The following TRIQK variants were observed in gnomAD, a reference collection of about 807,000 sequenced individuals.
TRIQK encodes triple QxxK/R motif-containing protein.
Under a neutral mutation model 10.8 loss-of-function variants are expected in TRIQK, and 10 were observed. That is an observed-to-expected ratio of 0.92 (90% CI 0.57 to 1.57). The LOEUF (loss-of-function observed/expected upper bound fraction) is 1.57. Ranked by LOEUF, TRIQK falls within the 40% of genes most tolerant of loss-of-function variation. The pLI is 0.00. For synonymous variants in TRIQK, 33 were observed against 33.7 expected (o/e 0.98, Z 0.07); for missense variants, 107 against 97.7 (o/e 1.09, Z -0.40).
rs1026322458 is a variant in TRIQK, at chr8:92,883,941, T to G, written c.*2681A>C. 1 of 151,786 alleles carries G rather than the reference T, an allele frequency of 6.6e-6. No homozygotes were observed. Among genetic ancestry groups the G allele is most frequent in the Admixed American group, 6.6e-5 (1 of 15,168 alleles). The allele number at this position is 151,786 out of a possible 1,614,324, so 9.4% of individuals were successfully genotyped here. On this transcript the variant is annotated 3_prime_UTR_variant, in exon 5 of 5. Coordinates refer to ENST00000521988, the MANE Select transcript of TRIQK (RefSeq NM_001171797.2). ...AAATTTATACATTCTTTACCCTGTC[T>G]AAACTTGCATGCAAAATAAGAACCA...
At chr8:92,938,449 A>G (rs1054951909) in intron 2 of TRIQK, among the ~76,000 whole-genome samples, 2 of 152,018 alleles carry the variant, frequency 1.3e-5, no homozygotes, top group African/African-American at 4.8e-5. Flanking sequence ...GTTTTCACCA[A>G]TTTAATTTTG....
At chr8:92,906,078 T>C (rs1809242741) in intron 3 of TRIQK, among the ~76,000 whole-genome samples, 1 of 152,148 alleles carries the variant, frequency 6.6e-6, no homozygotes, top group Non-Finnish European at 1.5e-5. Flanking sequence ...ATAGCTATCA[T>C]TGAAGATGAA....
At chr8:92,950,324 C>T (rs954706215) in intron 2 of TRIQK, among the ~76,000 whole-genome samples, 1 of 152,060 alleles carries the variant, frequency 6.6e-6, no homozygotes, top group African/African-American at 2.4e-5. Flanking sequence ...ACTGTGAGAA[C>T]CTAGTCTCAC....
intron 1 of TRIQK, among the ~76,000 whole-genome samples, chr8:93,014,448 CA>C: frequency 6.6e-6 from 1 of 151,920 alleles, no homozygotes; most frequent in Non-Finnish European, 1.5e-5. Flanking sequence ...GAAAATTTAG[CA>C]TTTTTGAAGA....
chr8:92,994,117 G>T (rs370246777), intron 1 of TRIQK, among the ~76,000 whole-genome samples: 2 of 152,072 alleles, frequency 1.3e-5, no homozygotes, highest in East Asian at 3.8e-4. Flanking sequence ...TTTGAAAGAG[G>T]TATATTAAAA....
chr8:92,936,277 T>C (rs1425220583), intron 2 of TRIQK, among the ~76,000 whole-genome samples: 1 of 151,668 alleles, frequency 6.6e-6, no homozygotes, highest in Non-Finnish European at 1.5e-5. Flanking sequence ...AAATATTCCA[T>C]GATGAAGCTG....
chr8:92,898,577 A>T (rs547082430), intron 3 of TRIQK, among the ~76,000 whole-genome samples: 4 of 151,878 alleles, frequency 2.6e-5, no homozygotes, highest in Non-Finnish European at 5.9e-5. Context: ...TTTACTTTCC[A>T]CTCAAGAAGT....
At chr8:92,929,365 A>T (rs1005521261) in intron 2 of TRIQK, among the ~76,000 whole-genome samples, 2 of 152,220 alleles carry the variant, frequency 1.3e-5, no homozygotes, top group Non-Finnish European at 2.9e-5. Context: ...TGTTTAAAAC[A>T]AGAAATAAGA....
intron 1 of TRIQK, among the ~76,000 whole-genome samples, chr8:93,016,077 A>G (rs1162086545): frequency 1.3e-5 from 2 of 152,198 alleles, no homozygotes; most frequent in Admixed American, 1.3e-4. Context: ...ATCCTCATTG[A>G]AAACTGATGA....
chr8:92,928,086 T>C (rs1810532921), intron 2 of TRIQK: 1 of 151,846 alleles, frequency 6.6e-6, no homozygotes, highest in South Asian at 2.1e-4. Flanking sequence ...TATAAAAAGA[T>C]AGAGAGGGAA....
At chr8:92,961,850 A>T (rs1487256778) in intron 1 of TRIQK, among the ~76,000 whole-genome samples, 2 of 152,208 alleles carry the variant, frequency 1.3e-5, no homozygotes, top group Non-Finnish European at 2.9e-5. Flanking sequence ...GAACTAAGCT[A>T]GTTTATGCTG....
intron 2 of TRIQK, among the ~76,000 whole-genome samples, chr8:92,950,032 A>G (rs1000141007): frequency 4.6e-5 from 7 of 152,156 alleles, no homozygotes; most frequent in African/African-American, 1.7e-4. Context: ...ACGATGTACA[A>G]TATCTGGTAT....
chr8:92,893,056 G>A (rs760955817), intron 3 of TRIQK, among the ~76,000 whole-genome samples: 1 of 151,708 alleles, frequency 6.6e-6, no homozygotes, highest in Non-Finnish European at 1.5e-5. Context: ...TCGATGACCA[G>A]TTCCTTTACA....
At chr8:92,978,768 A>G (rs1022747216) in intron 1 of TRIQK, among the ~76,000 whole-genome samples, 1 of 152,072 alleles carries the variant, frequency 6.6e-6, no homozygotes, top group African/African-American at 2.4e-5. Flanking sequence ...TACTCCTTAT[A>G]TTAAGGTTTC....
At chr8:92,899,562 T>C (rs1212259657) in intron 3 of TRIQK, among the ~76,000 whole-genome samples, 1 of 152,202 alleles carries the variant, frequency 6.6e-6, no homozygotes, top group African/African-American at 2.4e-5. Context: ...TACATCCATG[T>C]TGTCGCAAAT....
At chr8:92,981,622 C>A (rs1380209966) in intron 1 of TRIQK, among the ~76,000 whole-genome samples, 9 of 151,770 alleles carry the variant, frequency 5.9e-5, no homozygotes. Flanking sequence ...TATAAAATAT[C>A]TATTTCTGTC....
intron 4 of TRIQK, 43 bp downstream of exon 4, chr8:92,891,946 G>C (rs1212042231): frequency 2.3e-6 from 3 of 1,328,556 alleles, no homozygotes; most frequent in Admixed American, 4.3e-5. Context: ...AAATGAAATG[G>C]CATGCACATA....
At chr8:92,993,984 T>C (rs933457926) in intron 1 of TRIQK, among the ~76,000 whole-genome samples, 1 of 152,120 alleles carries the variant, frequency 6.6e-6, no homozygotes, top group African/African-American at 2.4e-5. Flanking sequence ...CCTCGGGCAG[T>C]TGGAACAAGG....
intron 1 of TRIQK, among the ~76,000 whole-genome samples, chr8:93,003,115 G>A (rs1813230757): frequency 6.6e-6 from 1 of 151,866 alleles, no homozygotes; most frequent in Non-Finnish European, 1.5e-5. Flanking sequence ...ACATTAAAAA[G>A]ACTATTTACT....
Sources: gnomAD v4.1 joint callset for allele counts (sites outside exome capture counted in the v4.1 genomes callset) on GRCh38, gnomAD v4.1.1 for gene constraint, MANE v1.5 for transcripts, NCBI Gene and HGNC (gene_info 2026-07-23, HGNC 2026-07-21) for gene names.